FREM3: variants seen among roughly 807,000 people sequenced by gnomAD.
FREM3 encodes FRAS1-related extracellular matrix protein 3.
FREM3 carries 105 observed loss-of-function variants against 129.1 expected under a neutral mutation model. That is an observed-to-expected ratio of 0.81 (90% CI 0.69 to 0.96). FREM3 has a LOEUF of 0.96. FREM3 is among the 40% of genes least tolerant of loss of function. The pLI is 0.00. For synonymous variants in FREM3, 1,014 were observed against 1,044.9 expected (o/e 0.97, Z 0.57); for missense variants, 2,593 against 2,666.3 (o/e 0.97, Z 0.61).
At position 143,697,579 on chromosome 4, in the gene FREM3, C is replaced by T. The variant is rs376385517; in HGVS notation, c.3097G>A (p.Asp1033Asn). ...TTGGAGAGGATGAGGCTGAAGGCAT[C>T]GTGCTGCTTTTGAAAACCAACTTCA... ...AGEVGFQKQHDAFSLILSKDS... is the reference protein window; with the variant it reads ...AGEVGFQKQHNAFSLILSKDS... The change falls in exon 1 of 8, where the codon GAT (aspartate) becomes AAT (asparagine). Residue 1033 changes from aspartate to asparagine, a missense_variant. By Grantham distance (23) the Asp-to-Asn change is conservative. Transcript: ENST00000329798. 246 of 1,537,566 alleles carry T rather than the reference C, an allele frequency of 1.6e-4. No individual in the cohort carries two copies. Among genetic ancestry groups the T allele is most frequent in the Non-Finnish European group, 2.0e-4 (225 of 1,146,978 alleles).
At chr4:143,644,537 T>G (rs1220902374) in intron 2 of FREM3, among the ~76,000 whole-genome samples, 1 of 152,150 alleles carries the variant, frequency 6.6e-6, no homozygotes, top group Non-Finnish European at 1.5e-5. Context: ...CATCTTTAAT[T>G]GAACACAGAC....
chr4:143,580,321 G>A (rs1738108835), intron 7 of FREM3, among the ~76,000 whole-genome samples: 1 of 152,102 alleles, frequency 6.6e-6, no homozygotes, highest in Admixed American at 6.5e-5. Flanking sequence ...GGCAAAGCCA[G>A]GGGAGGATCC....
At chr4:143,622,221 G>A (rs1346596546) in intron 4 of FREM3, among the ~76,000 whole-genome samples, 1 of 151,446 alleles carries the variant, frequency 6.6e-6, no homozygotes, top group African/African-American at 2.4e-5. Flanking sequence ...AGCCTCCTGA[G>A]TAGCTGGGAT....
At chr4:143,596,169 G>A (rs181715479) in intron 6 of FREM3, among the ~76,000 whole-genome samples, 5 of 152,284 alleles carry the variant, frequency 3.3e-5, no homozygotes, top group Non-Finnish European at 7.3e-5. Context: ...AGGTAGATGG[G>A]ACTTGATATT....
At chr4:143,694,736 T>C (rs912903024) in intron 1 of FREM3, among the ~76,000 whole-genome samples, 3 of 152,270 alleles carry the variant, frequency 2.0e-5, no homozygotes, top group African/African-American at 7.2e-5. Context: ...ACATATGATT[T>C]CATTTGCTTT....
chr4:143,579,380 G>A (rs974129532), intron 7 of FREM3, among the ~76,000 whole-genome samples: 1 of 152,146 alleles, frequency 6.6e-6, no homozygotes, highest in African/African-American at 2.4e-5. Flanking sequence ...TTGAACCTGG[G>A]AAGCAGATAT....
Position 143,700,546 on chromosome 4 carries a change from G to GCGC in FREM3, c.127_129dup (p.Ala43dup). The GCGC allele has an allele frequency of 3.3e-6, 5 of 1,519,060 alleles. No homozygotes were observed. Among genetic ancestry groups the GCGC allele is most frequent in the Non-Finnish European group, 2.6e-6 (3 of 1,136,706 alleles). The allele number at this position is 1,519,060 out of a possible 1,614,324, so 94.1% of individuals were successfully genotyped here. On this transcript the variant is annotated inframe_insertion, in exon 1 of 8. Transcript: ENST00000329798. The stretch of plus-strand genomic sequence containing the variant: ...AGCGCACCCCGGGCGGGCAGGTAAA[G>GCGC]CGCCGGGTCGGGCTCGGTCCCAAGT...
intron 2 of FREM3, among the ~76,000 whole-genome samples, chr4:143,684,661 C>A (rs1740324872): frequency 6.6e-6 from 1 of 152,158 alleles, no homozygotes. Flanking sequence ...GAAGAAATCC[C>A]TGATTTACCT....
chr4:143,700,420 C>T lies in FREM3; in HGVS notation c.256G>A (p.Val86Met), dbSNP rs763076735. The T allele has an allele frequency of 2.0e-6, 3 of 1,532,196 alleles. No homozygotes were observed. Among genetic ancestry groups the T allele is most frequent in the South Asian group, 1.2e-5 (1 of 83,634 alleles). 94.9% of individuals were successfully genotyped at this position (1,532,196 alleles called of 1,614,324 possible). A position where few individuals can be genotyped will look rare whatever the true frequency, so the allele number is the denominator to read the frequency against. The stretch of plus-strand genomic sequence containing the variant: ...CGGTCCCCCGGCTGCACTCCAATCA[C>T]CAGATCCCGGAGCGGGTCGAGCCAA... ...SLWLDPLRDL[V>M]IGVQPGDRCE... The change falls in exon 1 of 8, where the codon GTG (valine) becomes ATG (methionine). Residue 86 changes from valine (V) to methionine (M), a missense_variant. Val to Met is a conservative substitution (Grantham distance 21). Transcript: ENST00000329798.
Position 143,592,109 on chromosome 4 carries a change from C to A in FREM3, c.6029-6116G>T, listed in dbSNP as rs370199878. ...ATTTGCTTGGTAGATCTTCCTCCAT[C>A]CCTTTATTTTGAGCCTATGTGTGTC... On this transcript the variant is annotated intron_variant, in intron 6 of 7. Transcript: ENST00000329798. Among the ~76,000 whole-genome samples, 7 of 152,260 alleles carry A rather than the reference C, an allele frequency of 4.6e-5. 1 individual carries two copies. In the South Asian group the frequency reaches 6.2e-4, roughly 14 times the overall value.
At chr4:143,673,387 GC>G (rs2149856388) in intron 2 of FREM3, among the ~76,000 whole-genome samples, 1 of 152,342 alleles carries the variant, frequency 6.6e-6, no homozygotes, top group Admixed American at 6.5e-5. Context: ...GGTATCACGA[GC>G]AGAGGCTGCA....
chr4:143,690,793 A>G (rs1740451817), intron 2 of FREM3, among the ~76,000 whole-genome samples: 1 of 152,202 alleles, frequency 6.6e-6, no homozygotes, highest in East Asian at 1.9e-4. Flanking sequence ...CAGCTGTTCC[A>G]GGAATGCCAT....
chr4:143,620,982 C>T (rs2149841335), intron 5 of FREM3, 55 bp downstream of exon 5: 2 of 1,508,538 alleles, frequency 1.3e-6, no homozygotes, highest in Admixed American at 2.0e-5. Context: ...AGCATTACCA[C>T]AGTCTTGTTC....
chr4:143,681,948 C>T (rs575490856), intron 2 of FREM3, among the ~76,000 whole-genome samples: 2 of 152,270 alleles, frequency 1.3e-5, no homozygotes, highest in South Asian at 4.2e-4. Flanking sequence ...TACTTCCTCT[C>T]CTTCTTTTGT....
chr4:143,611,587 C>G (rs925555890), intron 5 of FREM3, 60 bp from the exon 6 acceptor site: 3 of 1,455,738 alleles, frequency 2.1e-6, no homozygotes, highest in Admixed American at 2.1e-5. Flanking sequence ...AAACAAGAAG[C>G]CTGTCTGTTT....
Position 143,699,430 on chromosome 4 carries a change from AGGC to A in FREM3, c.1243_1245del (p.Ala415del). 6.5e-7 allele frequency: 1 copy of A among 1,537,310 alleles called. No homozygotes were observed. Among genetic ancestry groups the A allele is most frequent in the Non-Finnish European group, 8.7e-7 (1 of 1,146,924 alleles). ...GTCACCATGAAGGCAAAGGGGTCTG[AGGC>A]GGCGCCGTCTCCGTCCACCACCTCC... is the stretch of plus-strand genomic sequence containing the variant. On this transcript the variant is annotated inframe_deletion, in exon 1 of 8. Transcript: ENST00000329798. This position sits in a 1 kb window ranked among gnomAD's most constrained non-coding sequence, Gnocchi z 4.2.
At chr4:143,578,472 T>C (rs1208885627) in intron 7 of FREM3, among the ~76,000 whole-genome samples, 2 of 152,094 alleles carry the variant, frequency 1.3e-5, no homozygotes, top group Non-Finnish European at 2.9e-5. Flanking sequence ...AATATAAAAA[T>C]AAATCGAGGA....
At chr4:143,578,240 T>G (rs919356253) in intron 7 of FREM3, among the ~76,000 whole-genome samples, 1 of 152,238 alleles carries the variant, frequency 6.6e-6, no homozygotes, top group Non-Finnish European at 1.5e-5. Flanking sequence ...TGATTAGGTT[T>G]CACTCATTCA....
At position 143,671,586 on chromosome 4, in the gene FREM3, T is replaced by C. The variant is rs146332941; in HGVS notation, c.5275+21527A>G. 2.4e-3 allele frequency among the ~76,000 whole-genome samples: 360 copies of C among 152,324 alleles called. 2 individuals carry two copies. The highest frequency in any genetic ancestry group is 8.0e-3 in the African/African-American group (333 of 41,560). Reference sequence around the variant, plus strand: ...AAACTTTTGTTTTTTGACTTTTCTGTACTAAAATTCTCATTTTATTTGTGC... The same window carrying C: ...AAACTTTTGTTTTTTGACTTTTCTGCACTAAAATTCTCATTTTATTTGTGC... On this transcript the variant is annotated intron_variant, in intron 2 of 7. Coordinates refer to ENST00000329798, the MANE Select transcript of FREM3 (RefSeq NM_001168235.2).
Sources: allele counts gnomAD v4.1 joint callset (sites outside exome capture counted in the v4.1 genomes callset), GRCh38; gene constraint gnomAD v4.1.1; non-coding constraint Gnocchi (gnomAD v3.1); transcripts MANE v1.5; gene names NCBI Gene and HGNC (gene_info 2026-07-23, HGNC 2026-07-21).